The following RCSD1 variants were observed in gnomAD, a reference collection of about 807,000 sequenced individuals.
The protein encoded by RCSD1 is RCSD domain containing 1, also known as capZ-interacting protein.
A neutral mutation model predicts 42.5 loss-of-function variants in RCSD1; 26 were observed. That is an observed-to-expected ratio of 0.61 (90% CI 0.45 to 0.85). The LOEUF (loss-of-function observed/expected upper bound fraction) is 0.85, where lower values mean the gene tolerates loss of function less well. Among genes scored for constraint, RCSD1 ranks in the 40% least tolerant of loss-of-function variants. The pLI, the probability that RCSD1 is intolerant of heterozygous loss-of-function variation, is 0.00. For missense variants in RCSD1, 571 were observed against 528.3 expected, an observed-to-expected ratio of 1.08 and a Z score of -0.79; for synonymous variants, 220 against 212.2, an observed-to-expected ratio of 1.04 and a Z score of -0.32.
At position 167,706,938 on chromosome 1, in the gene RCSD1, C is replaced by G. The variant is rs1659768528; in HGVS notation, c.*2242C>G. ...AAAGTTATTAACAGGCCAGGAAGACCTTGTTTCTTTCAGGCTTCCATAATG... is the reference window on the plus strand; with the variant it reads ...AAAGTTATTAACAGGCCAGGAAGACGTTGTTTCTTTCAGGCTTCCATAATG... On this transcript the variant is annotated 3_prime_UTR_variant, in exon 7 of 7. Transcript: ENST00000367854. Among the ~76,000 whole-genome samples the G allele has an allele frequency of 6.6e-6, 1 of 152,154 alleles. No individual in the cohort carries two copies. Among genetic ancestry groups the G allele is most frequent in the South Asian group, 2.1e-4 (1 of 4,832 alleles).
At chr1:167,652,584 C>G (rs1304487918) in intron 1 of RCSD1, among the ~76,000 whole-genome samples, 1 of 152,184 alleles carries the variant, frequency 6.6e-6, no homozygotes. Context: ...TTTCTAATTA[C>G]AAGAAAGTCA....
chr1:167,676,942 C>T (rs1266178726), intron 1 of RCSD1, among the ~76,000 whole-genome samples: 2 of 152,230 alleles, frequency 1.3e-5, no homozygotes, highest in Non-Finnish European at 2.9e-5. Flanking sequence ...GGCTCAATGC[C>T]TGCGTGTGGG....
intron 1 of RCSD1, among the ~76,000 whole-genome samples, chr1:167,667,534 A>G (rs756007263): frequency 1.5e-4 from 23 of 152,354 alleles, no homozygotes; most frequent in Non-Finnish European, 2.6e-4. Context: ...ATGTTCTAGG[A>G]TAGGTTGGGT....
In RCSD1 at chr1:167,650,449, C is replaced by T. The variant is rs931035429; in HGVS notation, c.6+20020C>T. Among the ~76,000 whole-genome samples the T allele has an allele frequency of 2.4e-3, 367 of 152,296 alleles. 7 individuals are homozygous for T. Among genetic ancestry groups the T allele is most frequent in the Non-Finnish European group, 6.3e-4 (43 of 68,010 alleles). On this transcript the variant is annotated intron_variant, in intron 1 of 6. Transcript: ENST00000367854. Reference sequence around the variant, plus strand: ...GGCTGGGCCAGGCCCAGACCACTCACTCAGAAGCAGAGGCTGTGTTTGAAG... The same window carrying T: ...GGCTGGGCCAGGCCCAGACCACTCATTCAGAAGCAGAGGCTGTGTTTGAAG...
At chr1:167,630,886 G>T (rs1313310265) in intron 1 of RCSD1, among the ~76,000 whole-genome samples, 1 of 152,210 alleles carries the variant, frequency 6.6e-6, no homozygotes, top group East Asian at 1.9e-4. Flanking sequence ...GCACGTCTTC[G>T]TGGGTCTGTG....
intron 1 of RCSD1, among the ~76,000 whole-genome samples, chr1:167,680,580 G>A (rs758705766): frequency 4.6e-5 from 7 of 152,072 alleles, no homozygotes; most frequent in Non-Finnish European, 8.8e-5. Flanking sequence ...AACTGGGCCC[G>A]AGTGATCCTC....
chr1:167,669,793 C>T (rs929652187), intron 1 of RCSD1, among the ~76,000 whole-genome samples: 1 of 152,156 alleles, frequency 6.6e-6, no homozygotes, highest in Non-Finnish European at 1.5e-5. Flanking sequence ...ACCAGAGGGC[C>T]CAGCACCATG....
chr1:167,690,867 T>A (rs1408017737), intron 4 of RCSD1, among the ~76,000 whole-genome samples: 1 of 152,124 alleles, frequency 6.6e-6, no homozygotes, highest in East Asian at 1.9e-4. Flanking sequence ...AAGTATCCTG[T>A]CCAACCTCTC....
chr1:167,651,560 AAC>A (rs1391679146), intron 1 of RCSD1, among the ~76,000 whole-genome samples: 1 of 152,176 alleles, frequency 6.6e-6, no homozygotes, highest in Non-Finnish European at 1.5e-5. Context: ...ACGCCTTTCT[AAC>A]ACAGAGTGCA....
At chr1:167,675,369 G>A (rs1426460159) in intron 1 of RCSD1, among the ~76,000 whole-genome samples, 1 of 152,108 alleles carries the variant, frequency 6.6e-6, no homozygotes, top group Non-Finnish European at 1.5e-5. Context: ...GCAGGCAAGA[G>A]AGCTTTTGCA....
chr1:167,676,157 G>A (rs1044417762), intron 1 of RCSD1, among the ~76,000 whole-genome samples: 1 of 152,144 alleles, frequency 6.6e-6, no homozygotes, highest in Non-Finnish European at 1.5e-5. Context: ...CTGAGGCACG[G>A]ACAAGTTAGG....
At chr1:167,634,645 T>G (rs1388551420) in intron 1 of RCSD1, among the ~76,000 whole-genome samples, 1 of 152,138 alleles carries the variant, frequency 6.6e-6, no homozygotes, top group African/African-American at 2.4e-5. Flanking sequence ...CTGAGGGCAC[T>G]TGAAAAAAAG....
chr1:167,657,142 A>G (rs958456788), intron 1 of RCSD1, among the ~76,000 whole-genome samples: 1 of 152,264 alleles, frequency 6.6e-6, no homozygotes, highest in African/African-American at 2.4e-5. Flanking sequence ...TGTGCCTTGC[A>G]CATAGTAAGC....
At chr1:167,701,498 G>T (rs1464018259) in intron 6 of RCSD1, among the ~76,000 whole-genome samples, 1 of 151,870 alleles carries the variant, frequency 6.6e-6, no homozygotes, top group Non-Finnish European at 1.5e-5. Context: ...TAGAGACAAG[G>T]TTTCACCATA....
At chr1:167,697,046 C>T (rs867607878) in intron 5 of RCSD1, 53 bp from the exon 6 acceptor site, 6 of 1,550,124 alleles carry the variant, frequency 3.9e-6, no homozygotes, top group Non-Finnish European at 5.2e-6. Context: ...CAGTCCTCCT[C>T]TTGGCCTTTT....
intron 1 of RCSD1, among the ~76,000 whole-genome samples, chr1:167,655,266 G>A (rs1658398367): frequency 6.6e-6 from 1 of 152,168 alleles, no homozygotes; most frequent in African/African-American, 2.4e-5. Context: ...TCTCTGCCTG[G>A]GGAGGGTTGG....
chr1:167,634,839 G>T (rs1329865282), intron 1 of RCSD1, among the ~76,000 whole-genome samples: 1 of 151,908 alleles, frequency 6.6e-6, no homozygotes, highest in Non-Finnish European at 1.5e-5. Flanking sequence ...TATTTATTGG[G>T]CCCTTATTAC....
At chr1:167,690,196 G>T in intron 4 of RCSD1, 76 bp downstream of exon 4, 4 of 1,364,546 alleles carry the variant, frequency 2.9e-6, no homozygotes, top group Non-Finnish European at 4.2e-6. Flanking sequence ...ATGACTTTGA[G>T]GCTCATAGGG....
intron 1 of RCSD1, among the ~76,000 whole-genome samples, chr1:167,654,751 G>A (rs908028912): frequency 6.6e-6 from 1 of 152,150 alleles, no homozygotes; most frequent in African/African-American, 2.4e-5. Flanking sequence ...AATCAGTTAG[G>A]TAACCATAAT....
Sources: gnomAD v4.1 joint callset for allele counts (sites outside exome capture counted in the v4.1 genomes callset) on GRCh38, gnomAD v4.1.1 for gene constraint, MANE v1.5 for transcripts, NCBI Gene and HGNC (gene_info 2026-07-23, HGNC 2026-07-21) for gene names.